Variants in TBC1D5 observed in about 807,000 individuals in gnomAD.
TBC1D5 encodes TBC1 domain family, member 5.
In TBC1D5, 75 loss-of-function variants were observed where a neutral mutation model predicts 100.3. That is an observed-to-expected ratio of 0.75 (90% CI 0.62 to 0.91). The LOEUF (loss-of-function observed/expected upper bound fraction) is 0.91, where lower values mean the gene tolerates loss of function less well. Among genes scored for constraint, TBC1D5 ranks in the 40% least tolerant of loss-of-function variants. The pLI is 0.00. For synonymous variants in TBC1D5, 323 were observed against 325.6 expected, an observed-to-expected ratio of 0.99 and a Z score of 0.09; for missense variants, 910 against 942.4, an observed-to-expected ratio of 0.97 and a Z score of 0.45.
intron 19 of TBC1D5, among the ~76,000 whole-genome samples, chr3:17,170,015 A>G (rs2067013938): frequency 6.6e-6 from 1 of 152,216 alleles, no homozygotes; most frequent in African/African-American, 2.4e-5. Context: ...GGTGGAGCTC[A>G]GGTGGTAACG....
At chr3:17,558,878 C>G (rs1442221273) in intron 2 of TBC1D5, among the ~76,000 whole-genome samples, 1 of 151,954 alleles carries the variant, frequency 6.6e-6, no homozygotes. Context: ...AACATAAAAC[C>G]ATTCTTGGTT....
At chr3:17,721,145 C>A (rs2075666099) in intron 1 of TBC1D5, among the ~76,000 whole-genome samples, 1 of 151,938 alleles carries the variant, frequency 6.6e-6, no homozygotes, top group South Asian at 2.1e-4. Flanking sequence ...CCCGCCGAGA[C>A]TGTTTCAAAA....
intron 2 of TBC1D5, among the ~76,000 whole-genome samples, chr3:17,532,428 C>T (rs1328284250): frequency 8.5e-5 from 13 of 152,154 alleles, no homozygotes; most frequent in South Asian, 2.1e-4. Context: ...GTCAGTGTGG[C>T]GATTCCTCAG....
chr3:17,729,016 T>TAAAA (rs34461809), intron 1 of TBC1D5, among the ~76,000 whole-genome samples: 28 of 29,550 alleles, frequency 9.5e-4, no homozygotes, highest in Non-Finnish European at 1.3e-3. Context: ...TGAAAATCAG[T>TAAAA]AAAAAAAAAA....
chr3:17,666,279 G>C (rs147522459), intron 1 of TBC1D5, among the ~76,000 whole-genome samples: 1 of 152,230 alleles, frequency 6.6e-6, no homozygotes, highest in East Asian at 1.9e-4. Flanking sequence ...TTAGTAATTA[G>C]CATTAGATAC....
Position 17,569,444 on chromosome 3 carries a change from G to C in TBC1D5, c.-36+54405C>G, listed in dbSNP as rs181674729. On this transcript the variant is annotated intron_variant, in intron 2 of 21. Coordinates refer to ENST00000253692, the Ensembl canonical transcript of TBC1D5. ...CATATTGATTCAACATATTGAACTG[G>C]TTTTTAAAACCAATTTATATAAATG... Among the ~76,000 whole-genome samples the C allele has an allele frequency of 1.8e-3, 279 of 151,766 alleles. 1 individual carries two copies. The highest frequency in any genetic ancestry group is 3.4e-3 in the Middle Eastern group (1 of 294).
chr3:17,583,221 G>A (rs1016103397), intron 2 of TBC1D5, among the ~76,000 whole-genome samples: 3 of 152,038 alleles, frequency 2.0e-5, no homozygotes, highest in Admixed American at 2.0e-4. Flanking sequence ...GGAGGTAGAG[G>A]TTGCAGTGGG....
chr3:17,172,452 T>C (rs900252313), intron 19 of TBC1D5, among the ~76,000 whole-genome samples: 1 of 152,242 alleles, frequency 6.6e-6, no homozygotes, highest in African/African-American at 2.4e-5. Context: ...TCCAACGTAA[T>C]ACACAATTCT....
intron 8 of TBC1D5, among the ~76,000 whole-genome samples, chr3:17,401,380 TATATG>T (rs2093647321): frequency 4.8e-5 from 2 of 41,594 alleles, no homozygotes; most frequent in African/African-American, 4.6e-4. Flanking sequence ...TATACATATG[TATATG>T]TATATGTATA....
chr3:17,309,395 G>A (rs533507094), intron 13 of TBC1D5, among the ~76,000 whole-genome samples: 1 of 151,760 alleles, frequency 6.6e-6, no homozygotes, highest in Non-Finnish European at 1.5e-5. Context: ...CAATTTTTCA[G>A]TATAAAAAAT....
intron 17 of TBC1D5, among the ~76,000 whole-genome samples, chr3:17,221,859 G>A (rs1051507592): frequency 1.3e-5 from 2 of 152,130 alleles, no homozygotes; most frequent in East Asian, 1.9e-4. Context: ...ACATCACTAA[G>A]TTTGTGATAA....
chr3:17,182,993 G>C (rs1346908845), intron 19 of TBC1D5, among the ~76,000 whole-genome samples: 3 of 152,020 alleles, frequency 2.0e-5, no homozygotes, highest in Non-Finnish European at 2.9e-5. Context: ...TACAGGGCAA[G>C]CTTACCTAAC....
At chr3:17,313,699 T>C (rs972602764) in intron 13 of TBC1D5, among the ~76,000 whole-genome samples, 9 of 152,180 alleles carry the variant, frequency 5.9e-5, no homozygotes, top group African/African-American at 2.2e-4. Flanking sequence ...AGAACTGACA[T>C]GAGGTGTAAC....
At chr3:17,312,408 T>C (rs148192679) in intron 13 of TBC1D5, among the ~76,000 whole-genome samples, 169 of 152,292 alleles carry the variant, frequency 1.1e-3, no homozygotes, top group African/African-American at 3.9e-3. Flanking sequence ...TCTGAATGCC[T>C]TGAAGATATA....
At chr3:17,374,783 C>G in intron 10 of TBC1D5, 104 bp from the exon 11 acceptor site, 1 of 1,110,424 alleles carries the variant, frequency 9.0e-7, no homozygotes, top group South Asian at 1.5e-5. Context: ...AATATGCAAA[C>G]GAAAAAAATT....
At chr3:17,195,733 G>A (rs1030947749) in intron 18 of TBC1D5, among the ~76,000 whole-genome samples, 1 of 146,514 alleles carries the variant, frequency 6.8e-6, no homozygotes, top group Non-Finnish European at 1.5e-5. Flanking sequence ...GTAAGTTTTG[G>A]AACAGCCTTG....
intron 1 of TBC1D5, among the ~76,000 whole-genome samples, chr3:17,693,418 C>G (rs1355883147): frequency 6.6e-6 from 1 of 152,218 alleles, no homozygotes; most frequent in East Asian, 1.9e-4. Context: ...AACCGGCAGA[C>G]AAGGAGATTC....
chr3:17,599,917 T>C (rs760846550), intron 2 of TBC1D5, among the ~76,000 whole-genome samples: 7 of 152,202 alleles, frequency 4.6e-5, no homozygotes, highest in Non-Finnish European at 1.0e-4. Flanking sequence ...AAAAGCAGGA[T>C]ACTATATGTC....
intron 1 of TBC1D5, among the ~76,000 whole-genome samples, chr3:17,657,141 C>T (rs2066149697): frequency 6.6e-6 from 1 of 151,884 alleles, no homozygotes; most frequent in African/African-American, 2.4e-5. Context: ...AAAAACAAAA[C>T]AAACAAACAA....
Sources: allele counts gnomAD v4.1 joint callset (sites outside exome capture counted in the v4.1 genomes callset), GRCh38; gene constraint gnomAD v4.1.1; transcripts MANE v1.5; gene names NCBI Gene and HGNC (gene_info 2026-07-23, HGNC 2026-07-21).